Variants in RTN1 observed in about 807,000 individuals in gnomAD.
RTN1 encodes reticulon-1.
In RTN1, 25 loss-of-function variants were observed where a neutral mutation model predicts 65.5. The observed-to-expected ratio is 0.38, with a 90% confidence interval of 0.28 to 0.53. The LOEUF (loss-of-function observed/expected upper bound fraction) is 0.53, where lower values mean the gene tolerates loss of function less well. RTN1 is among the 20% of genes least tolerant of loss of function. RTN1 has a pLI of 0.79. For synonymous variants in RTN1, 471 were observed against 447.6 expected, an observed-to-expected ratio of 1.05 and a Z score of -0.66; for missense variants, 983 against 1,025.4, an observed-to-expected ratio of 0.96 and a Z score of 0.57.
rs1886888529 is a variant in RTN1, at chr14:59,819,411, ACCACCCCCCCCCCACCCCCCACC to A, written c.241+50956_241+50978del. Among the ~76,000 whole-genome samples the A allele has an allele frequency of 1.2e-3, 15 of 12,728 alleles. 4 individuals carry two copies. The highest frequency in any genetic ancestry group is 1.4e-3 in the Admixed American group (2 of 1,428). The allele number at this position is 12,728 out of a possible 152,430, so 8.4% of individuals were successfully genotyped here. A position where few individuals can be genotyped will look rare whatever the true frequency, so the allele number is the denominator to read the frequency against. ...AGCTGATTGGTGCATCCACACCACC[ACCACCCCCCCCCCACCCCCCACC>A]CCCCCCCCCCGGCCACAGCTAGACA... On this transcript the variant is annotated intron_variant, in intron 1 of 8. Transcript: ENST00000267484.
At chr14:59,679,253 CTGAAA>C (rs1248740725) in intron 3 of RTN1, among the ~76,000 whole-genome samples, 1 of 152,166 alleles carries the variant, frequency 6.6e-6, no homozygotes, top group Admixed American at 6.5e-5. Context: ...CACAGGTGCT[CTGAAA>C]TGAAACAATA....
At chr14:59,858,588 A>G (rs910449971) in intron 1 of RTN1, among the ~76,000 whole-genome samples, 5 of 152,288 alleles carry the variant, frequency 3.3e-5, no homozygotes, top group African/African-American at 9.6e-5. Flanking sequence ...AATTTGGTCT[A>G]TAACAGATTT....
intron 1 of RTN1, among the ~76,000 whole-genome samples, chr14:59,867,077 C>T (rs889748977): frequency 6.6e-6 from 1 of 152,174 alleles, no homozygotes; most frequent in African/African-American, 2.4e-5. Flanking sequence ...CATTCTCCAT[C>T]ATGTTCTTGA....
intron 1 of RTN1, among the ~76,000 whole-genome samples, chr14:59,830,349 G>A (rs79212391): frequency 0.012 from 1,856 of 152,318 alleles, 35 homozygotes; most frequent in African/African-American, 0.041. Flanking sequence ...AGTTAAACCA[G>A]TGCTCTCACT....
At chr14:59,734,597 T>TATTA (rs1884967502) in intron 2 of RTN1, among the ~76,000 whole-genome samples, 1 of 151,980 alleles carries the variant, frequency 6.6e-6, no homozygotes, top group African/African-American at 2.4e-5. Context: ...CAATCATGAG[T>TATTA]ATTAATAGCA....
intron 3 of RTN1, among the ~76,000 whole-genome samples, chr14:59,700,826 T>G (rs1207318355): frequency 6.6e-6 from 1 of 152,140 alleles, no homozygotes; most frequent in East Asian, 1.9e-4. Flanking sequence ...TTCTTTGATG[T>G]GACACCAAAA....
At chr14:59,707,196 T>C (rs1594690448) in intron 3 of RTN1, among the ~76,000 whole-genome samples, 1 of 152,234 alleles carries the variant, frequency 6.6e-6, no homozygotes, top group African/African-American at 2.4e-5. Flanking sequence ...ATAATGTTCA[T>C]GGTTAATGTT....
At chr14:59,729,246 A>G (rs1021824515) in intron 2 of RTN1, among the ~76,000 whole-genome samples, 7 of 152,168 alleles carry the variant, frequency 4.6e-5, no homozygotes, top group African/African-American at 1.7e-4. Context: ...GGCAAAGTGA[A>G]TAAGTTGGGA....
chr14:59,628,800 C>T (rs772482225), intron 3 of RTN1, among the ~76,000 whole-genome samples: 1 of 151,980 alleles, frequency 6.6e-6, no homozygotes, highest in Admixed American at 6.6e-5. Context: ...CGAGTCAAAC[C>T]GCATAAGATT....
In RTN1 at chr14:59,836,294, T is replaced by G. The variant is rs1035180110; in HGVS notation, c.241+34096A>C. 6.6e-6 allele frequency among the ~76,000 whole-genome samples: 1 copy of G among 152,272 alleles called. No homozygotes were observed. The highest frequency in any genetic ancestry group is 1.5e-5 in the Non-Finnish European group (1 of 68,054). ...TGCAGTTAGCATTTTTGGATTCACA[T>G]GTGCCAGGCATGCTGCCAAGGGCTT... On this transcript the variant is annotated intron_variant, in intron 1 of 8. Coordinates refer to ENST00000267484, the MANE Select transcript of RTN1 (RefSeq NM_021136.3). The surrounding 1 kb of genome is among the most constrained non-coding windows in gnomAD (Gnocchi z 4.9).
intron 1 of RTN1, among the ~76,000 whole-genome samples, chr14:59,763,594 A>G (rs1156472380): frequency 1.4e-5 from 2 of 144,570 alleles, no homozygotes; most frequent in African/African-American, 2.6e-5. Context: ...GTGCAGTGGC[A>G]CGATCTCGGC....
intron 3 of RTN1, among the ~76,000 whole-genome samples, chr14:59,724,763 G>C (rs976840948): frequency 6.6e-6 from 1 of 151,128 alleles, no homozygotes; most frequent in Middle Eastern, 3.5e-3. Flanking sequence ...GCTGGGCAGC[G>C]CTGATCCTTT....
intron 1 of RTN1, among the ~76,000 whole-genome samples, chr14:59,772,335 T>A (rs1377240712): frequency 6.6e-6 from 1 of 152,204 alleles, no homozygotes; most frequent in East Asian, 1.9e-4. Flanking sequence ...CTTAGTCACT[T>A]TTCTTTACAA....
intron 3 of RTN1, among the ~76,000 whole-genome samples, chr14:59,664,183 T>C (rs1883312585): frequency 6.6e-6 from 1 of 152,112 alleles, no homozygotes; most frequent in Non-Finnish European, 1.5e-5. Flanking sequence ...TGGATGAAGC[T>C]GGAAACCATC....
intron 1 of RTN1, among the ~76,000 whole-genome samples, chr14:59,792,448 A>G (rs1011846447): frequency 2.8e-4 from 42 of 152,038 alleles, no homozygotes; most frequent in Non-Finnish European, 5.1e-4. Context: ...GCATGCTTGC[A>G]TAAGTAAATG....
At chr14:59,793,639 CACACACA>C (rs1886389907) in intron 1 of RTN1, among the ~76,000 whole-genome samples, 13 of 128,128 alleles carry the variant, frequency 1.0e-4, no homozygotes, top group Admixed American at 8.7e-4. Context: ...GCACACACCA[CACACACA>C]CACACACACA....
chr14:59,870,267 G>A lies in RTN1; in HGVS notation c.241+123C>T. The A allele has an allele frequency of 2.1e-6, 2 of 968,348 alleles. No homozygotes were observed. Among genetic ancestry groups the A allele is most frequent in the South Asian group, 3.4e-5 (1 of 29,414 alleles). 60.0% of individuals were successfully genotyped at this position (968,348 alleles called of 1,614,324 possible). ...TTCCCAGTCGCCCGTGGCGACGCGG[G>A]GGTGGGGTCGGCGCTCAAGGCAGAA... On this transcript the variant is annotated intron_variant, in intron 1 of 8. Coordinates refer to ENST00000267484, the MANE Select transcript of RTN1 (RefSeq NM_021136.3). This position sits in a 1 kb window ranked among gnomAD's most constrained non-coding sequence, Gnocchi z 5.1.
chr14:59,689,129 C>T (rs142474450), intron 3 of RTN1, among the ~76,000 whole-genome samples: 1 of 152,098 alleles, frequency 6.6e-6, no homozygotes, highest in East Asian at 1.9e-4. Flanking sequence ...ACCAGAACTT[C>T]TATAATTGAA....
At chr14:59,833,538 AC>A (rs1887163244) in intron 1 of RTN1, among the ~76,000 whole-genome samples, 1 of 152,098 alleles carries the variant, frequency 6.6e-6, no homozygotes, top group Non-Finnish European at 1.5e-5. Context: ...TTTCTTTCCA[AC>A]TTTTATTTTA....
Sources: gnomAD v4.1 joint callset for allele counts (sites outside exome capture counted in the v4.1 genomes callset) on GRCh38, gnomAD v4.1.1 for gene constraint, Gnocchi (gnomAD v3.1) non-coding constraint, MANE v1.5 for transcripts, NCBI Gene and HGNC (gene_info 2026-07-23, HGNC 2026-07-21) for gene names.